Variants in CSMD1 observed in about 807,000 individuals in gnomAD.
CSMD1 encodes the protein CUB and sushi domain-containing protein 1.
Under a neutral mutation model 417.5 loss-of-function variants are expected in CSMD1, and 213 were observed. The observed-to-expected ratio is 0.51, with a 90% CI of 0.46 to 0.57. The LOEUF (loss-of-function observed/expected upper bound fraction) is 0.57, where lower values mean the gene tolerates loss of function less well. CSMD1 is among the 20% of genes least tolerant of loss of function. CSMD1 has a pLI of 0.00. For missense variants in CSMD1, 6,923 were observed against 4,529.7 expected, an observed-to-expected ratio of 1.53 and a Z score of -15.17; for synonymous variants, 2,862 against 1,736.8, an observed-to-expected ratio of 1.65 and a Z score of -16.11.
At chr8:4,571,307 C>A (rs998417201) in intron 2 of CSMD1, among the ~76,000 whole-genome samples, 1 of 152,202 alleles carries the variant, frequency 6.6e-6, no homozygotes. Context: ...CAGAACACTG[C>A]TTTAGCCGTG....
Position 3,736,504 on chromosome 8 carries a change from C to G in CSMD1, c.931+17426G>C, listed in dbSNP as rs538092605. On this transcript the variant is annotated intron_variant, in intron 6 of 69. Coordinates refer to ENST00000635120, the MANE Select transcript of CSMD1 (RefSeq NM_033225.6). ...AAGTGATCCTCCCTCCTCAGCTTCC[C>G]AAATTGCTGGGATCACTGGTGTGGA... 1.4e-4 allele frequency among the ~76,000 whole-genome samples: 21 copies of G among 152,290 alleles called. 1 individual carries two copies. In the South Asian group the frequency reaches 4.4e-3, roughly 32 times the overall value.
intron 3 of CSMD1, among the ~76,000 whole-genome samples, chr8:4,226,318 G>C (rs374234722): frequency 2.0e-5 from 3 of 152,134 alleles, no homozygotes; most frequent in African/African-American, 7.2e-5. Flanking sequence ...AAAAGAATTA[G>C]AGACCATCAA....
chr8:3,771,250 G>T (rs58171140), intron 5 of CSMD1, among the ~76,000 whole-genome samples: 1 of 152,132 alleles, frequency 6.6e-6, no homozygotes, highest in Admixed American at 6.5e-5. Context: ...GGCTCCGTGA[G>T]CCACTCTTGC....
rs757145923 is a variant in CSMD1 at position 3,273,734 on chromosome 8, T to A, written c.4153+10410A>T. Reference sequence around the variant, plus strand: ...TTTATTTGCATAGAGGTGTTTGTAGTATTCTCTGATGGCAGTTCGTATTTC... The same window carrying A: ...TTTATTTGCATAGAGGTGTTTGTAGAATTCTCTGATGGCAGTTCGTATTTC... On this transcript the variant is annotated intron_variant, in intron 26 of 69. Transcript: ENST00000635120. Among the ~76,000 whole-genome samples, 49 of 152,194 alleles carry A rather than the reference T, an allele frequency of 3.2e-4. 1 individual carries two copies. The highest frequency in any genetic ancestry group is 6.6e-4 in the Non-Finnish European group (45 of 68,022).
intron 46 of CSMD1, among the ~76,000 whole-genome samples, chr8:3,102,838 G>C (rs1465748703): frequency 1.3e-5 from 2 of 152,180 alleles, no homozygotes; most frequent in Non-Finnish European, 2.9e-5. Context: ...GTTTTCCCTA[G>C]GCTTCTCCTG....
chr8:4,530,071 C>T lies in CSMD1; in HGVS notation c.302+107271G>A, dbSNP rs924127575. 5.3e-5 allele frequency among the ~76,000 whole-genome samples: 8 copies of T among 151,586 alleles called. No homozygotes were observed. In the South Asian group the frequency reaches 1.5e-3, roughly 28 times the overall value. ...CTGGGACTACAGGTGCCCGCCACCA[C>T]GCCCGACTAGTTTTTTGTATTTTAG... is the stretch of plus-strand genomic sequence containing the variant. On this transcript the variant is annotated intron_variant, in intron 2 of 69. Coordinates refer to ENST00000635120, the MANE Select transcript of CSMD1 (RefSeq NM_033225.6).
At chr8:4,815,328 A>G (rs534412561) in intron 1 of CSMD1, among the ~76,000 whole-genome samples, 1 of 152,196 alleles carries the variant, frequency 6.6e-6, no homozygotes, top group Non-Finnish European at 1.5e-5. Flanking sequence ...GGCAAAAGGT[A>G]TGACATCACA....
At chr8:3,609,811 C>CTTTTTTTTTTTTTTTTTTTTTTTTT (rs71534362) in intron 8 of CSMD1, among the ~76,000 whole-genome samples, 1 of 75,262 alleles carries the variant, frequency 1.3e-5, no homozygotes. Context: ...AGTATCTTCC[C>CTTTTTTTTTTTTTTTTTTTTTTTTT]TTTTTTTTTT....
chr8:4,163,685 A>G (rs1199009859), intron 3 of CSMD1, among the ~76,000 whole-genome samples: 2 of 152,182 alleles, frequency 1.3e-5, no homozygotes, highest in Non-Finnish European at 2.9e-5. Flanking sequence ...AAGAAGTAAC[A>G]TATAAATAAT....
chr8:3,041,521 T>C (rs1811100160), intron 50 of CSMD1, among the ~76,000 whole-genome samples: 1 of 152,248 alleles, frequency 6.6e-6, no homozygotes. Context: ...TCTTTTTCTT[T>C]TGAAATGTCA....
At chr8:3,904,334 A>G (rs1347745295) in intron 5 of CSMD1, among the ~76,000 whole-genome samples, 1 of 151,926 alleles carries the variant, frequency 6.6e-6, no homozygotes, top group African/African-American at 2.4e-5. Flanking sequence ...GCCCAGTCCT[A>G]CAAATAGAAA....
At chr8:3,780,602 C>T (rs747390524) in intron 5 of CSMD1, among the ~76,000 whole-genome samples, 2 of 152,210 alleles carry the variant, frequency 1.3e-5, no homozygotes, top group Non-Finnish European at 2.9e-5. Flanking sequence ...TAATAATTCA[C>T]TACAACTGTC....
intron 5 of CSMD1, among the ~76,000 whole-genome samples, chr8:3,874,856 G>C (rs1056911680): frequency 6.6e-6 from 1 of 152,090 alleles, no homozygotes; most frequent in African/African-American, 2.4e-5. Flanking sequence ...AACCCATTAA[G>C]AAAACGGCAA....
chr8:3,474,569 G>A (rs995100191), intron 11 of CSMD1, among the ~76,000 whole-genome samples: 6 of 152,148 alleles, frequency 3.9e-5, no homozygotes, highest in Admixed American at 3.9e-4. Flanking sequence ...TATTAGGAGT[G>A]TTTTGGTCTT....
rs142990630 is a variant in CSMD1 at position 3,063,580 on chromosome 8, A to T, written c.7475-10933T>A. 8.9e-3 allele frequency among the ~76,000 whole-genome samples: 1,354 copies of T among 152,322 alleles called. 20 individuals are homozygous for T. Among genetic ancestry groups the T allele is most frequent in the African/African-American group, 0.03 (1,268 of 41,578 alleles). On this transcript the variant is annotated intron_variant, in intron 49 of 69. Coordinates refer to ENST00000635120, the MANE Select transcript of CSMD1 (RefSeq NM_033225.6). Reference sequence around the variant, plus strand: ...AATAGCTAAAATATGAAAGCAATCGAAGTGTCTGCCAAGAGATGAATGGCT... The same window carrying T: ...AATAGCTAAAATATGAAAGCAATCGTAGTGTCTGCCAAGAGATGAATGGCT...
At chr8:4,264,221 A>G (rs1585122493) in intron 3 of CSMD1, among the ~76,000 whole-genome samples, 1 of 152,216 alleles carries the variant, frequency 6.6e-6, no homozygotes, top group African/African-American at 2.4e-5. Flanking sequence ...ACAATTAATT[A>G]TTAGAATTTC....
chr8:4,788,087 T>G, intron 1 of CSMD1: 1 of 1,602,690 alleles, frequency 6.2e-7, no homozygotes. Flanking sequence ...TAGAGTTGCT[T>G]TTGAAATCAG....
intron 39 of CSMD1, among the ~76,000 whole-genome samples, chr8:3,157,167 G>A (rs1172536328): frequency 6.6e-6 from 1 of 152,034 alleles, no homozygotes. Flanking sequence ...GGTTGCCTGA[G>A]CTACAGGTAA....
At chr8:4,079,263 T>C (rs995088468) in intron 3 of CSMD1, among the ~76,000 whole-genome samples, 2 of 152,064 alleles carry the variant, frequency 1.3e-5, no homozygotes, top group African/African-American at 2.4e-5. Flanking sequence ...GAGAATAAAG[T>C]ATAGGAGTTT....
Sources: gnomAD v4.1 joint callset for allele counts (sites outside exome capture counted in the v4.1 genomes callset) on GRCh38, gnomAD v4.1.1 for gene constraint, MANE v1.5 for transcripts, NCBI Gene and HGNC (gene_info 2026-07-23, HGNC 2026-07-21) for gene names.